The following FOXJ3 variants were observed in gnomAD, a reference collection of about 807,000 sequenced individuals.
FOXJ3 encodes the protein forkhead box protein J3.
FOXJ3 carries 22 observed loss-of-function variants against 76.1 expected under a neutral mutation model. The ratio of observed to expected loss-of-function variants is 0.29; its 90% CI spans 0.21 to 0.41. FOXJ3 has a LOEUF of 0.41. FOXJ3 is among the 10% of genes least tolerant of loss of function. FOXJ3 has a pLI of 1.00. For missense variants in FOXJ3, 613 were observed against 762.1 expected (o/e 0.80, Z 2.30); for synonymous variants, 269 against 261.2 (o/e 1.03, Z -0.29).
chr1:42,286,275 C>G (rs1281631950), intron 2 of FOXJ3, among the ~76,000 whole-genome samples: 1 of 152,064 alleles, frequency 6.6e-6, no homozygotes, highest in African/African-American at 2.4e-5. Flanking sequence ...TTATATACAA[C>G]CCAAATCAAA....
Position 42,199,057 on chromosome 1 carries a change from TACTAAA to T in FOXJ3, c.759+39_759+44del, listed in dbSNP as rs770466076. ...CAATTATGTTTGGTTTAGTTTTAAG[TACTAAA>T]TGAATAACTATTAACATGTTAACTT... On this transcript the variant is annotated intron_variant, in intron 7 of 12. Coordinates refer to ENST00000361346, the MANE Select transcript of FOXJ3 (RefSeq NM_014947.5). 8 of 1,505,556 alleles carry T rather than the reference TACTAAA, an allele frequency of 5.3e-6. No individual in the cohort carries two copies. In the South Asian group the frequency reaches 9.3e-5, roughly 18 times the overall value. The allele number at this position is 1,505,556 out of a possible 1,614,324, so 93.3% of individuals were successfully genotyped here.
intron 1 of FOXJ3, among the ~76,000 whole-genome samples, chr1:42,333,503 G>C (rs1656280364): frequency 6.6e-6 from 1 of 151,936 alleles, no homozygotes; most frequent in African/African-American, 2.4e-5. Flanking sequence ...AGACACAAAA[G>C]CAAAAAGAGA....
chr1:42,306,298 CTTTTTTTT>C (rs9326121), intron 2 of FOXJ3, among the ~76,000 whole-genome samples: 2 of 81,692 alleles, frequency 2.4e-5, no homozygotes, highest in South Asian at 4.7e-4. Flanking sequence ...GAACTTTTTT[CTTTTTTTT>C]TTTTTTTTTT....
At chr1:42,215,702 G>A (rs1391616529) in intron 5 of FOXJ3, among the ~76,000 whole-genome samples, 1 of 152,094 alleles carries the variant, frequency 6.6e-6, no homozygotes, top group African/African-American at 2.4e-5. Context: ...AAAAAAGCTA[G>A]AGAAAAACTA....
At chr1:42,260,102 G>A (rs1023857380) in intron 4 of FOXJ3, among the ~76,000 whole-genome samples, 1 of 152,090 alleles carries the variant, frequency 6.6e-6, no homozygotes, top group Non-Finnish European at 1.5e-5. Context: ...CAAAAATCAT[G>A]CATTTACTTA....
chr1:42,272,755 C>T (rs950012635), intron 3 of FOXJ3, among the ~76,000 whole-genome samples: 2 of 152,160 alleles, frequency 1.3e-5, no homozygotes, highest in African/African-American at 4.8e-5. Flanking sequence ...AAAAATGAAG[C>T]CAGACAAGTT....
chr1:42,271,176 G>C (rs1019078956), intron 3 of FOXJ3, among the ~76,000 whole-genome samples: 1 of 151,960 alleles, frequency 6.6e-6, no homozygotes, highest in African/African-American at 2.4e-5. Flanking sequence ...TGCCATGAAG[G>C]TATATAAGGT....
chr1:42,224,710 A>T (rs911470622), intron 5 of FOXJ3, among the ~76,000 whole-genome samples: 1 of 152,094 alleles, frequency 6.6e-6, no homozygotes, highest in Non-Finnish European at 1.5e-5. Flanking sequence ...GGATGGAGGT[A>T]ACTGTCAAGC....
chr1:42,298,362 G>A (rs1227487295), intron 2 of FOXJ3, among the ~76,000 whole-genome samples: 1 of 152,154 alleles, frequency 6.6e-6, no homozygotes, highest in African/African-American at 2.4e-5. Flanking sequence ...TTATTGGTCT[G>A]TTCAGGATTC....
At chr1:42,279,640 T>A (rs544770436) in intron 2 of FOXJ3, among the ~76,000 whole-genome samples, 1 of 152,202 alleles carries the variant, frequency 6.6e-6, no homozygotes, top group Admixed American at 6.5e-5. Flanking sequence ...AAGATAAGAA[T>A]ATAGAAACAA....
At chr1:42,329,491 T>A (rs921306168) in intron 1 of FOXJ3, among the ~76,000 whole-genome samples, 1 of 152,126 alleles carries the variant, frequency 6.6e-6, no homozygotes, top group Non-Finnish European at 1.5e-5. Flanking sequence ...AGGTAAAGAA[T>A]AACCCCCTCT....
chr1:42,330,391 G>A (rs926226969), intron 1 of FOXJ3, among the ~76,000 whole-genome samples: 3 of 152,140 alleles, frequency 2.0e-5, no homozygotes, highest in Admixed American at 6.5e-5. Flanking sequence ...TAATCCTAGC[G>A]CTTTGGGAGG....
intron 4 of FOXJ3, among the ~76,000 whole-genome samples, chr1:42,248,659 A>T (rs1018868919): frequency 2.0e-5 from 3 of 151,922 alleles, no homozygotes; most frequent in Non-Finnish European, 2.9e-5. Flanking sequence ...TGTCCAATAC[A>T]GTCAAAAGTC....
At chr1:42,281,960 G>A (rs745594180) in intron 2 of FOXJ3, among the ~76,000 whole-genome samples, 6 of 152,078 alleles carry the variant, frequency 3.9e-5, no homozygotes, top group Non-Finnish European at 8.8e-5. Context: ...TTGGGAGGCT[G>A]AGGCAGGAGA....
intron 7 of FOXJ3, among the ~76,000 whole-genome samples, chr1:42,196,987 TATTTA>T (rs1483332387): frequency 7.2e-5 from 11 of 152,208 alleles, no homozygotes; most frequent in African/African-American, 2.2e-4. Flanking sequence ...TTGTCATTAT[TATTTA>T]ATTTAATTAA....
At chr1:42,187,521 A>G (rs1211617498) in intron 11 of FOXJ3, among the ~76,000 whole-genome samples, 1 of 152,220 alleles carries the variant, frequency 6.6e-6, no homozygotes, top group Non-Finnish European at 1.5e-5. Context: ...AGAACCCATG[A>G]GAGAAACAAA....
At chr1:42,329,817 C>T (rs77874100) in intron 1 of FOXJ3, among the ~76,000 whole-genome samples, 204 of 152,304 alleles carry the variant, frequency 1.3e-3, no homozygotes, top group African/African-American at 4.6e-3. Context: ...TTAACTGTTT[C>T]CCCAACTACA....
At chr1:42,184,171 A>C (rs755854604) in intron 11 of FOXJ3, among the ~76,000 whole-genome samples, 2 of 152,124 alleles carry the variant, frequency 1.3e-5, no homozygotes, top group Non-Finnish European at 2.9e-5. Flanking sequence ...CACCACTCAG[A>C]GTAATAGGGT....
chr1:42,309,001 C>CCAAAAAA (rs1016055460), intron 2 of FOXJ3, among the ~76,000 whole-genome samples: 1 of 103,850 alleles, frequency 9.6e-6, no homozygotes, highest in African/African-American at 3.7e-5. Flanking sequence ...AGTCGTTTTA[C>CCAAAAAA]AAAAAAAAAA....
Sources: allele counts gnomAD v4.1 joint callset (sites outside exome capture counted in the v4.1 genomes callset), GRCh38; gene constraint gnomAD v4.1.1; transcripts MANE v1.5; gene names NCBI Gene and HGNC (gene_info 2026-07-23, HGNC 2026-07-21).